ZNF395: variants seen among roughly 807,000 people sequenced by gnomAD.
ZNF395 encodes HD gene regulatory region-binding protein 2.
Under a neutral mutation model 57.7 loss-of-function variants are expected in ZNF395, and 20 were observed. That is an observed-to-expected ratio of 0.35 (90% CI 0.24 to 0.50). The LOEUF is 0.50. Ranked by LOEUF, ZNF395 falls within the 20% of genes least tolerant of loss-of-function variation. The pLI is 0.97. For synonymous variants in ZNF395, 295 were observed against 275.9 expected, an observed-to-expected ratio of 1.07 and a Z score of -0.69; for missense variants, 606 against 671.2, an observed-to-expected ratio of 0.90 and a Z score of 1.07.
chr8:28,360,710 C>CT (rs1306282928), intron 2 of ZNF395, among the ~76,000 whole-genome samples, 175 bp downstream of exon 2: 1 of 152,254 alleles, frequency 6.6e-6, no homozygotes, highest in African/African-American at 2.4e-5. Flanking sequence ...CCTGGGTCTA[C>CT]TAACAATGTC....
In ZNF395 at chr8:28,348,656, ACACTGG is replaced by A; in HGVS notation, c.*57_*62del. The stretch of plus-strand genomic sequence containing the variant: ...TCGGTTTCTGCTGAGGGCTGGTGAC[ACACTGG>A]CCTCTTGTCAGTGGCTGCCGGCAGG... On this transcript the variant is annotated 3_prime_UTR_variant, in exon 10 of 10. Transcript: ENST00000344423. 1 of 1,443,742 alleles carries A rather than the reference ACACTGG, an allele frequency of 6.9e-7. No homozygotes were observed. The highest frequency in any genetic ancestry group is 9.8e-7 in the Non-Finnish European group (1 of 1,025,348). The allele number at this position is 1,443,742 out of a possible 1,614,324, so 89.4% of individuals were successfully genotyped here.
At position 28,356,834 on chromosome 8, in the gene ZNF395, G is replaced by A; in HGVS notation, c.474-55C>T. ...TACTTCCTGGCATGGCGGGCCCATG[G>A]TCCTTGCAAAACGAGACACCACTTC... is the stretch of plus-strand genomic sequence containing the variant. On this transcript the variant is annotated intron_variant, in intron 3 of 9. Coordinates refer to ENST00000344423, the MANE Select transcript of ZNF395 (RefSeq NM_018660.3). This position sits in a 1 kb window ranked among gnomAD's most constrained non-coding sequence, Gnocchi z 4.0. The A allele has an allele frequency of 6.9e-7, 1 of 1,444,016 alleles. No homozygotes were observed. Among genetic ancestry groups the A allele is most frequent in the Non-Finnish European group, 9.5e-7 (1 of 1,052,760 alleles). The allele number at this position is 1,444,016 out of a possible 1,614,324, so 89.5% of individuals were successfully genotyped here.
intron 4 of ZNF395, 105 bp from the exon 5 acceptor site, chr8:28,353,513 CA>C: frequency 1.1e-6 from 1 of 892,996 alleles, no homozygotes; most frequent in Non-Finnish European, 1.7e-6. Flanking sequence ...TTCATGGCAG[CA>C]ATTTCTCTTG....
chr8:28,351,495 C>A lies in ZNF395; in HGVS notation c.1233G>T (p.Gln411His). The change falls in exon 7 of 10, where the codon CAG becomes CAT. Residue 411 changes from glutamine to histidine, a missense_variant and splice_region_variant. Physicochemically the swap from Gln to His is conservative, Grantham distance 24. Around this residue, in one of 3 missense-constraint regions of ZNF395, gnomAD observed 261 missense variants for 240.3 expected, o/e 1.09. Coordinates refer to ENST00000344423, the MANE Select transcript of ZNF395 (RefSeq NM_018660.3). ...GCCTCCAGCGAGCCCCGCCCCATAC[C>A]TGGTATGCATGATCTGCCTGAATGT... The part of the protein sequence containing the change: ...FWHIQADHAY[Q>H]ALPSFQIPVS... 6.3e-7 allele frequency: 1 copy of A among 1,593,718 alleles called. No homozygotes were observed.
chr8:28,350,319 G>A (rs1801666087), intron 7 of ZNF395, among the ~76,000 whole-genome samples, 163 bp from the exon 8 acceptor site: 1 of 152,232 alleles, frequency 6.6e-6, no homozygotes, highest in East Asian at 1.9e-4. Flanking sequence ...GACAACACTG[G>A]AGTATCATCC....
At chr8:28,369,053 C>G (rs1296176220) in intron 1 of ZNF395, among the ~76,000 whole-genome samples, 1 of 151,912 alleles carries the variant, frequency 6.6e-6, no homozygotes, top group Admixed American at 6.5e-5. Flanking sequence ...CCAGGCTGGT[C>G]TCGAACTCCT....
chr8:28,362,246 G>A (rs888507779), intron 1 of ZNF395, among the ~76,000 whole-genome samples: 7 of 152,174 alleles, frequency 4.6e-5, no homozygotes, highest in Non-Finnish European at 1.5e-5. Flanking sequence ...CCTACCAGGG[G>A]ACCAGCTGAC....
chr8:28,350,854 ACATG>A (rs1207266544), intron 7 of ZNF395, among the ~76,000 whole-genome samples: 1 of 152,270 alleles, frequency 6.6e-6, no homozygotes, highest in Non-Finnish European at 1.5e-5. Context: ...AGTACCTACT[ACATG>A]CAGCGAAGAC....
chr8:28,379,647 A>G (rs1303226434), intron 1 of ZNF395, among the ~76,000 whole-genome samples: 1 of 152,196 alleles, frequency 6.6e-6, no homozygotes, highest in African/African-American at 2.4e-5. Context: ...ACCTGGGGTC[A>G]AAGACTCTGT....
chr8:28,348,413 AG>A lies in ZNF395; in HGVS notation c.*305del, dbSNP rs1801634921. The A allele has an allele frequency of 2.7e-6, 1 of 374,424 alleles. No homozygotes were observed. The highest frequency in any genetic ancestry group is 2.1e-5 in the African/African-American group (1 of 47,830). The allele number at this position is 374,424 out of a possible 1,614,324, so 23.2% of individuals were successfully genotyped here. ...TGACACGCACAAGCTAATCCCCTAG[AG>A]AGTGGGGATGTGGGAAACGGAGGGT... On this transcript the variant is annotated 3_prime_UTR_variant, in exon 10 of 10. Transcript: ENST00000344423.
At position 28,356,702 on chromosome 8, in the gene ZNF395, T is replaced by A; in HGVS notation, c.551A>T (p.Gln184Leu). 6.2e-7 allele frequency: 1 copy of A among 1,614,212 alleles called. No individual in the cohort carries two copies. Among genetic ancestry groups the A allele is most frequent in the Non-Finnish European group, 8.5e-7 (1 of 1,180,026 alleles). Residue 184 changes from glutamine to leucine, a missense_variant, in exon 4 of 10, where the codon CAG becomes CTG. By Grantham distance (113) the Gln-to-Leu change is moderately radical (BLOSUM62 -2). This residue lies in a region of ZNF395 where 309 missense variants were observed against 374.7 expected (regional missense o/e 0.82). Coordinates refer to ENST00000344423, the MANE Select transcript of ZNF395 (RefSeq NM_018660.3). The surrounding 1 kb of genome is among the most constrained non-coding windows in gnomAD (Gnocchi z 4.0). ...LTSLSCSPVV[Q>L]SPPGTEANFS... ...GTTGGCCTCGGTCCCGGGAGGACTC[T>A]GTACAACAGGGCTGCAGGACAGGGA... is the stretch of plus-strand genomic sequence containing the variant.
rs941431788 is a variant in ZNF395 at position 28,347,356 on chromosome 8, A to G, written c.*1363T>C. On this transcript the variant is annotated 3_prime_UTR_variant, in exon 10 of 10. Coordinates refer to ENST00000344423, the MANE Select transcript of ZNF395 (RefSeq NM_018660.3). The stretch of plus-strand genomic sequence containing the variant: ...TCCAGTAGGCCCTGAGGAATCCCCA[A>G]ATAAGTCACGCTGGGAGGAAAGTGA... 1.3e-5 allele frequency: 2 copies of G among 152,226 alleles called. No homozygotes were observed. The highest frequency in any genetic ancestry group is 4.8e-5 in the African/African-American group (2 of 41,412). The allele number at this position is 152,226 out of a possible 1,614,324, so 9.4% of individuals were successfully genotyped here.
intron 4 of ZNF395, 40 bp from the exon 5 acceptor site, chr8:28,353,448 G>A (rs987289665): frequency 1.6e-5 from 23 of 1,428,446 alleles, no homozygotes; most frequent in South Asian, 4.4e-5. Context: ...GCTCACGGGC[G>A]TGTCCCTGGG....
At chr8:28,369,326 T>C (rs1023045514) in intron 1 of ZNF395, among the ~76,000 whole-genome samples, 12 of 152,250 alleles carry the variant, frequency 7.9e-5, no homozygotes, top group African/African-American at 2.6e-4. Flanking sequence ...GATCACATTA[T>C]CTGACAATGC....
intron 1 of ZNF395, among the ~76,000 whole-genome samples, chr8:28,382,584 C>T (rs148453978): frequency 2.8e-3 from 420 of 152,300 alleles, no homozygotes; most frequent in Middle Eastern, 6.8e-3. Flanking sequence ...CCCACCAGCA[C>T]AGAACACGCC....
intron 7 of ZNF395, among the ~76,000 whole-genome samples, chr8:28,350,911 G>A (rs1801673877): frequency 2.0e-5 from 3 of 152,172 alleles, no homozygotes; most frequent in Admixed American, 1.3e-4. Context: ...TCATCCACAA[G>A]GGCAAAATAG....
At position 28,347,812 on chromosome 8, in the gene ZNF395, G is replaced by T. The variant is rs1563334807; in HGVS notation, c.*907C>A. 1 of 152,178 alleles carries T rather than the reference G, an allele frequency of 6.6e-6. No individual in the cohort carries two copies. The highest frequency in any genetic ancestry group is 1.5e-5 in the Non-Finnish European group (1 of 68,032). 9.4% of individuals were successfully genotyped at this position (152,178 alleles called of 1,614,324 possible). On this transcript the variant is annotated 3_prime_UTR_variant, in exon 10 of 10. Transcript: ENST00000344423. ...AAAGGCTTCTGAATACATCGTAAAAGAAAACAAAGCATTTCTGAGGCGTCC... is the reference window on the plus strand; with the variant it reads ...AAAGGCTTCTGAATACATCGTAAAATAAAACAAAGCATTTCTGAGGCGTCC...
chr8:28,350,025 G>A (rs990016751), intron 8 of ZNF395, 39 bp downstream of exon 8: 9 of 1,527,822 alleles, frequency 5.9e-6, no homozygotes, highest in African/African-American at 2.8e-5. Flanking sequence ...GAGAGCCCTC[G>A]GCCATACGAG....
rs1015275124 is a variant in ZNF395, at chr8:28,359,541, A to G, written c.473+51T>C. Reference sequence around the variant, plus strand: ...ACCACAACACAGCCCACACCCTTACACCACACTACCCACGTGACTTTTAAA... The same window carrying G: ...ACCACAACACAGCCCACACCCTTACGCCACACTACCCACGTGACTTTTAAA... On this transcript the variant is annotated intron_variant, in intron 3 of 9. Transcript: ENST00000344423. The surrounding 1 kb of genome is among the most constrained non-coding windows in gnomAD (Gnocchi z 4.7). 6.5e-7 allele frequency: 1 copy of G among 1,538,642 alleles called. No individual in the cohort carries two copies. Among genetic ancestry groups the G allele is most frequent in the Non-Finnish European group, 8.8e-7 (1 of 1,140,848 alleles).
Sources: gnomAD v4.1 joint callset for allele counts (sites outside exome capture counted in the v4.1 genomes callset) on GRCh38, gnomAD v4.1.1 for gene constraint, gnomAD v4.1.1 regional missense constraint, Gnocchi (gnomAD v3.1) non-coding constraint, MANE v1.5 for transcripts, NCBI Gene and HGNC (gene_info 2026-07-23, HGNC 2026-07-21) for gene names.